The following GABBR2 variants were observed in gnomAD, a reference collection of about 807,000 sequenced individuals.
GABBR2 encodes the protein gamma-aminobutyric acid type B receptor subunit 2.
A neutral mutation model predicts 105.6 loss-of-function variants in GABBR2; 23 were observed. That is an observed-to-expected ratio of 0.22 (90% confidence interval 0.16 to 0.31). The LOEUF is 0.31. Among genes scored for constraint, GABBR2 ranks in the 10% least tolerant of loss-of-function variants. The pLI is 1.00. For missense variants in GABBR2, 734 were observed against 1,245.5 expected (o/e 0.59, Z 6.18); for synonymous variants, 478 against 499.7 (o/e 0.96, Z 0.58).
At chr9:98,339,799 T>C (rs1011955513) in intron 13 of GABBR2, among the ~76,000 whole-genome samples, 2 of 152,182 alleles carry the variant, frequency 1.3e-5, no homozygotes, top group Non-Finnish European at 2.9e-5. Context: ...TGTATTCTCA[T>C]GGAGCTCACA....
intron 1 of GABBR2, among the ~76,000 whole-genome samples, chr9:98,629,827 T>C (rs1829793372): frequency 6.6e-6 from 1 of 152,204 alleles, no homozygotes; most frequent in African/African-American, 2.4e-5. Flanking sequence ...GAGAGTTGCA[T>C]TATGACGATC....
intron 4 of GABBR2, among the ~76,000 whole-genome samples, chr9:98,494,900 G>T (rs1462537154): frequency 2.6e-5 from 4 of 152,254 alleles, no homozygotes; most frequent in Non-Finnish European, 1.5e-5. Flanking sequence ...CATAGATGCT[G>T]GGCCTCTGGA....
At chr9:98,511,394 A>G (rs1181813231) in intron 3 of GABBR2, among the ~76,000 whole-genome samples, 1 of 150,350 alleles carries the variant, frequency 6.7e-6, no homozygotes, top group African/African-American at 2.5e-5. Context: ...AAGGCAAGAA[A>G]TAACTAAGAT....
intron 13 of GABBR2, among the ~76,000 whole-genome samples, chr9:98,311,558 A>C (rs1384827017): frequency 6.6e-6 from 1 of 152,232 alleles, no homozygotes; most frequent in Non-Finnish European, 1.5e-5. Context: ...TGTTGTGAGA[A>C]TGAGGTATAA....
intron 1 of GABBR2, among the ~76,000 whole-genome samples, chr9:98,663,028 C>T (rs1830284646): frequency 6.6e-6 from 1 of 152,110 alleles, no homozygotes; most frequent in Admixed American, 6.5e-5. Context: ...ATGGGTTGAT[C>T]ATGATGAGAG....
Position 98,306,164 on chromosome 9 carries a change from A to G in GABBR2, c.2186T>C (p.Ile729Thr). 6.2e-7 allele frequency: 1 copy of G among 1,614,200 alleles called. No individual in the cohort carries two copies. Among genetic ancestry groups the G allele is most frequent in the South Asian group, 1.1e-5 (1 of 91,084 alleles). The stretch of plus-strand genomic sequence containing the variant: ...GCAGAGGGTGATGGTGCTGCAGAAG[A>G]TGATGACCAGAGCCACGATGCAGAA... ...VQFCIVALVIIFCSTITLCLV... is the reference protein window; with the variant it reads ...VQFCIVALVITFCSTITLCLV... Residue 729 changes from isoleucine to threonine, a missense_variant, in exon 15 of 19, where the codon ATC (isoleucine) becomes ACC (threonine). Physicochemically the swap from Ile to Thr is moderately conservative, Grantham distance 89. Coordinates refer to ENST00000259455, the MANE Select transcript of GABBR2 (RefSeq NM_005458.8). The surrounding 1 kb of genome is among the most constrained non-coding windows in gnomAD (Gnocchi z 5.4).
At chr9:98,640,936 T>C (rs1829951728) in intron 1 of GABBR2, among the ~76,000 whole-genome samples, 2 of 152,108 alleles carry the variant, frequency 1.3e-5, no homozygotes, top group Admixed American at 6.6e-5. Context: ...GAGCCTCAGT[T>C]TCCCCGTTTG....
chr9:98,647,152 G>A (rs1424026539), intron 1 of GABBR2, among the ~76,000 whole-genome samples: 2 of 152,218 alleles, frequency 1.3e-5, no homozygotes, highest in East Asian at 3.9e-4. Context: ...AGATGCTAGA[G>A]GACTAGGCAC....
chr9:98,324,501 C>T (rs1830884590), intron 13 of GABBR2, among the ~76,000 whole-genome samples: 1 of 47,262 alleles, frequency 2.1e-5, no homozygotes, highest in Non-Finnish European at 4.1e-5. Context: ...CCGACACACA[C>T]ACACACACAC....
chr9:98,575,557 T>C (rs10986803), intron 2 of GABBR2, among the ~76,000 whole-genome samples: 31,995 of 152,064 alleles, frequency 0.21, 4,278 homozygotes, highest in East Asian at 0.5. Flanking sequence ...ATGCAGATGA[T>C]GAAACTGAGG....
chr9:98,669,858 G>A (rs936566695), intron 1 of GABBR2, among the ~76,000 whole-genome samples: 2 of 152,012 alleles, frequency 1.3e-5, no homozygotes, highest in African/African-American at 4.8e-5. Flanking sequence ...CACATCATGA[G>A]GAATCTAGTC....
intron 12 of GABBR2, among the ~76,000 whole-genome samples, chr9:98,367,162 G>A (rs1181041628): frequency 7.4e-6 from 1 of 135,820 alleles, no homozygotes; most frequent in Admixed American, 7.0e-5. Context: ...GTGTATGTAT[G>A]TTTGGGGAGG....
Position 98,675,206 on chromosome 9 carries a change from T to G in GABBR2, c.321+33211A>C, listed in dbSNP as rs562855985. Among the ~76,000 whole-genome samples, 4 of 152,214 alleles carry G rather than the reference T, an allele frequency of 2.6e-5. No homozygotes were observed. The South Asian group carries it at 8.3e-4, about 32-fold the overall frequency. Reference sequence around the variant, plus strand: ...CTGCCATGAAGTGGGAACCAAGTGGTGACTTCCCAGCAAGCACGGCAGGAT... The same window carrying G: ...CTGCCATGAAGTGGGAACCAAGTGGGGACTTCCCAGCAAGCACGGCAGGAT... On this transcript the variant is annotated intron_variant, in intron 1 of 18. Coordinates refer to ENST00000259455, the MANE Select transcript of GABBR2 (RefSeq NM_005458.8).
At chr9:98,293,964 T>C (rs932674171) in intron 17 of GABBR2, 62 bp from the exon 18 acceptor site, 5 of 977,142 alleles carry the variant, frequency 5.1e-6, no homozygotes, top group Admixed American at 3.4e-5. Context: ...AAATCAACAA[T>C]GCAACTTTTT....
intron 1 of GABBR2, among the ~76,000 whole-genome samples, chr9:98,647,122 G>A (rs1830036140): frequency 6.6e-6 from 1 of 152,188 alleles, no homozygotes; most frequent in Non-Finnish European, 1.5e-5. Context: ...ACAAACACAG[G>A]TGAAGTGCTG....
intron 5 of GABBR2, among the ~76,000 whole-genome samples, chr9:98,478,709 C>T (rs144927259): frequency 1.4e-3 from 209 of 152,242 alleles, no homozygotes; most frequent in Middle Eastern, 0.014. Context: ...GGAAACTCAC[C>T]CCAGTGCGTG....
intron 1 of GABBR2, among the ~76,000 whole-genome samples, chr9:98,617,347 T>A (rs1207807208): frequency 6.6e-6 from 1 of 151,904 alleles, no homozygotes; most frequent in African/African-American, 2.4e-5. Flanking sequence ...AAAGGCAGCA[T>A]GAGAAGTTAA....
chr9:98,489,090 C>G (rs565954895), intron 4 of GABBR2, among the ~76,000 whole-genome samples: 1 of 152,154 alleles, frequency 6.6e-6, no homozygotes, highest in Non-Finnish European at 1.5e-5. Flanking sequence ...ACAAAAGCAG[C>G]CAAGGACGTT....
chr9:98,564,054 G>A (rs1266825211), intron 2 of GABBR2, among the ~76,000 whole-genome samples: 1 of 152,172 alleles, frequency 6.6e-6, no homozygotes, highest in Non-Finnish European at 1.5e-5. Context: ...TACTGAATGA[G>A]TAATAAGTTT....
Sources: allele counts gnomAD v4.1 joint callset (sites outside exome capture counted in the v4.1 genomes callset), GRCh38; gene constraint gnomAD v4.1.1; non-coding constraint Gnocchi (gnomAD v3.1); transcripts MANE v1.5; gene names NCBI Gene and HGNC (gene_info 2026-07-23, HGNC 2026-07-21).